Variants in TSPEAR observed in about 807,000 individuals in gnomAD.
TSPEAR encodes the protein thrombospondin-type laminin G domain and EAR repeat-containing protein.
A neutral mutation model predicts 71.6 loss-of-function variants in TSPEAR; 69 were observed. That is an observed-to-expected ratio of 0.96 (90% confidence interval 0.79 to 1.18). The LOEUF (loss-of-function observed/expected upper bound fraction) is 1.18. Among genes scored for constraint, TSPEAR ranks in the 50% most tolerant of loss-of-function variants. The pLI is 0.00. For synonymous variants in TSPEAR, 402 were observed against 387.2 expected (o/e 1.04, Z -0.45); for missense variants, 971 against 894.9 (o/e 1.09, Z -1.09).
intron 1 of TSPEAR, chr21:44,675,990 A>C: frequency 1.2e-6 from 1 of 839,846 alleles, no homozygotes; most frequent in East Asian, 2.4e-5. Context: ...TGTGCCACTT[A>C]TCTGGATTCT....
At chr21:44,597,159 T>TA (rs1980416209) in intron 1 of TSPEAR, among the ~76,000 whole-genome samples, 1 of 151,960 alleles carries the variant, frequency 6.6e-6, no homozygotes, top group Non-Finnish European at 1.5e-5. Flanking sequence ...CTCTGCCAGT[T>TA]AAAAAAATTA....
chr21:44,548,195 G>T (rs1472350275), intron 2 of TSPEAR, among the ~76,000 whole-genome samples: 2 of 152,234 alleles, frequency 1.3e-5, no homozygotes. Context: ...ACAGACAACT[G>T]CACTGCCTTG....
At chr21:44,531,345 G>A (rs2052967050) in intron 3 of TSPEAR, among the ~76,000 whole-genome samples, 1 of 152,232 alleles carries the variant, frequency 6.6e-6, no homozygotes, top group African/African-American at 2.4e-5. Context: ...AGGCTCCAGA[G>A]GAGGACGCTT....
intron 1 of TSPEAR, chr21:44,579,636 G>GT (rs1978737070): frequency 1.8e-6 from 2 of 1,117,036 alleles, no homozygotes; most frequent in African/African-American, 1.9e-5. Context: ...GGAGTATGGA[G>GT]GGGGGGGTCA....
intron 10 of TSPEAR, chr21:44,508,121 T>C (rs1183033537): frequency 1.3e-5 from 2 of 152,396 alleles, no homozygotes; most frequent in African/African-American, 2.4e-5. Flanking sequence ...GGTCCTAGGG[T>C]GACTGCTGAC....
chr21:44,694,517 G>A (rs1987248373), intron 1 of TSPEAR, among the ~76,000 whole-genome samples: 1 of 152,038 alleles, frequency 6.6e-6, no homozygotes, highest in Non-Finnish European at 1.5e-5. Context: ...CACTGTGAAT[G>A]TACTTAACCC....
chr21:44,647,154 A>G, intron 1 of TSPEAR: 2 of 1,612,290 alleles, frequency 1.2e-6, no homozygotes, highest in Non-Finnish European at 1.7e-6. Flanking sequence ...CCTGCTGCAG[A>G]CCCTCCTCCT....
chr21:44,694,586 C>A (rs929040635), intron 1 of TSPEAR, among the ~76,000 whole-genome samples: 1 of 152,060 alleles, frequency 6.6e-6, no homozygotes, highest in African/African-American at 2.4e-5. Context: ...GTATATTTTA[C>A]CACGATGTTT....
intron 2 of TSPEAR, among the ~76,000 whole-genome samples, chr21:44,535,083 GAGTA>G (rs1426353930): frequency 6.6e-6 from 1 of 152,166 alleles, no homozygotes; most frequent in Non-Finnish European, 1.5e-5. Flanking sequence ...GGGTGATGGG[GAGTA>G]AGTGTTTAAT....
intron 7 of TSPEAR, among the ~76,000 whole-genome samples, chr21:44,526,665 G>A (rs936765198): frequency 6.6e-6 from 1 of 152,266 alleles, no homozygotes; most frequent in African/African-American, 2.4e-5. Context: ...AGGCCAGTGA[G>A]TGACTATTTG....
chr21:44,510,855 C>A (rs1008857656), intron 9 of TSPEAR: 1 of 152,320 alleles, frequency 6.6e-6, no homozygotes, highest in African/African-American at 2.4e-5. Context: ...GCCCAGGACA[C>A]CTGGCGGCGC....
chr21:44,641,632 T>C (rs1362729065), intron 1 of TSPEAR, among the ~76,000 whole-genome samples: 1 of 152,068 alleles, frequency 6.6e-6, no homozygotes, highest in Non-Finnish European at 1.5e-5. Context: ...GAAGATGGGA[T>C]CGAGGGGATG....
At chr21:44,694,080 T>A (rs527815613) in intron 1 of TSPEAR, among the ~76,000 whole-genome samples, 2 of 152,322 alleles carry the variant, frequency 1.3e-5, no homozygotes, top group Middle Eastern at 6.8e-3. Flanking sequence ...AATAAAGCTA[T>A]TCATTCATGG....
chr21:44,600,591 C>T (rs781798937), intron 1 of TSPEAR: 6 of 1,597,226 alleles, frequency 3.8e-6, no homozygotes, highest in South Asian at 1.1e-5. Flanking sequence ...CTCACCCACT[C>T]ACTCCCATCT....
intron 2 of TSPEAR, among the ~76,000 whole-genome samples, chr21:44,541,300 A>G (rs2053219010): frequency 6.6e-6 from 1 of 152,262 alleles, no homozygotes; most frequent in South Asian, 2.1e-4. Flanking sequence ...AGTAATTTTG[A>G]GCTCTGAACG....
At chr21:44,698,139 C>A in intron 1 of TSPEAR, 1 of 668,286 alleles carries the variant, frequency 1.5e-6, no homozygotes, top group Non-Finnish European at 2.5e-6. Context: ...TGCCTCCACC[C>A]ACTCCCCCGG....
intron 11 of TSPEAR, among the ~76,000 whole-genome samples, chr21:44,504,533 GT>G (rs2052149490): frequency 1.1e-4 from 16 of 144,278 alleles, no homozygotes; most frequent in African/African-American, 3.8e-4. Flanking sequence ...GCCGGCCTCG[GT>G]GAGCCCACAG....
intron 10 of TSPEAR, chr21:44,508,602 G>C (rs1317970506): frequency 8.5e-7 from 1 of 1,180,842 alleles, no homozygotes; most frequent in African/African-American, 1.6e-5. Context: ...AGTGCCCACT[G>C]TCCAAAATGT....
At chr21:44,688,209 T>C (rs565605140) in intron 1 of TSPEAR, among the ~76,000 whole-genome samples, 10 of 144,588 alleles carry the variant, frequency 6.9e-5, no homozygotes, top group Non-Finnish European at 1.4e-4. Context: ...GTGCAGAGAA[T>C]TGGGGTACCC....
Sources: gnomAD v4.1 joint callset for allele counts (sites outside exome capture counted in the v4.1 genomes callset) on GRCh38, gnomAD v4.1.1 for gene constraint, MANE v1.5 for transcripts, NCBI Gene and HGNC (gene_info 2026-07-23, HGNC 2026-07-21) for gene names.